Variants in LGR5 observed in about 807,000 individuals in gnomAD.
LGR5 encodes leucine rich repeat containing G protein-coupled receptor 5, also known as leucine-rich repeat-containing G protein-coupled receptor 5.
In LGR5, 54 loss-of-function variants were observed where a neutral mutation model predicts 76.7. That is an observed-to-expected ratio of 0.70 (90% CI 0.57 to 0.88). The LOEUF (loss-of-function observed/expected upper bound fraction) is 0.88. LGR5 is among the 40% of genes least tolerant of loss of function. The pLI, the probability that LGR5 is intolerant of heterozygous loss-of-function variation, is 0.00. For synonymous variants in LGR5, 406 were observed against 421.9 expected (o/e 0.96, Z 0.46); for missense variants, 1,078 against 1,073.3 (o/e 1.00, Z -0.06).
chr12:71,552,792 G>A lies in LGR5; in HGVS notation c.429-281G>A, dbSNP rs184329160. 3.3e-3 allele frequency among the ~76,000 whole-genome samples: 498 copies of A among 152,162 alleles called. 5 individuals are homozygous for A. Among genetic ancestry groups the A allele is most frequent in the African/African-American group, 0.012 (484 of 41,508 alleles). On this transcript the variant is annotated intron_variant, in intron 4 of 17. Transcript: ENST00000266674. ...ATCACACTGAAACTCCATACCTCAG[G>A]GGAGGCCACTTCCATCCATGAGAGA...
chr12:71,454,763 G>A (rs966595394), intron 1 of LGR5, among the ~76,000 whole-genome samples: 2 of 145,178 alleles, frequency 1.4e-5, no homozygotes, highest in Non-Finnish European at 3.0e-5. Flanking sequence ...ACACACACAC[G>A]TGCATAGACA....
At chr12:71,532,537 G>A (rs1345951197) in intron 3 of LGR5, among the ~76,000 whole-genome samples, 1 of 152,074 alleles carries the variant, frequency 6.6e-6, no homozygotes, top group Non-Finnish European at 1.5e-5. Flanking sequence ...TCTCAGGCAT[G>A]GTGTTAAAGG....
intron 5 of LGR5, among the ~76,000 whole-genome samples, chr12:71,556,383 AT>A (rs1235320129): frequency 1.3e-5 from 2 of 152,150 alleles, no homozygotes; most frequent in Non-Finnish European, 2.9e-5. Context: ...TCCTCATATT[AT>A]TATACACACC....
At chr12:71,507,733 T>TTCTC (rs151033755) in intron 2 of LGR5, among the ~76,000 whole-genome samples, 2 of 150,092 alleles carry the variant, frequency 1.3e-5, no homozygotes, top group Admixed American at 6.6e-5. Flanking sequence ...AACTCTCTCT[T>TTCTC]TCTCTCTCTC....
At chr12:71,470,984 A>G (rs572272966) in intron 1 of LGR5, among the ~76,000 whole-genome samples, 12 of 152,294 alleles carry the variant, frequency 7.9e-5, no homozygotes, top group African/African-American at 2.4e-4. Context: ...TAGAGCACTT[A>G]CCAAATTCAT....
At chr12:71,488,172 T>C (rs1592483410) in intron 1 of LGR5, among the ~76,000 whole-genome samples, 2 of 152,290 alleles carry the variant, frequency 1.3e-5, no homozygotes, top group African/African-American at 4.8e-5. Flanking sequence ...GTTTGAGGAG[T>C]GAAAGTCCCC....
At chr12:71,464,786 G>A (rs1872799929) in intron 1 of LGR5, among the ~76,000 whole-genome samples, 1 of 152,132 alleles carries the variant, frequency 6.6e-6, no homozygotes, top group South Asian at 2.1e-4. Context: ...AACATTCAAA[G>A]TTGGCATGAG....
rs369316479 is a variant in LGR5 at position 71,544,651 on chromosome 12, G to A, written c.429-8422G>A. 1.1e-4 allele frequency among the ~76,000 whole-genome samples: 16 copies of A among 151,642 alleles called. No homozygotes were observed. In the East Asian group the frequency reaches 3.1e-3, roughly 29 times the overall value. On this transcript the variant is annotated intron_variant, in intron 4 of 17. Transcript: ENST00000266674. ...GTACATATAGATTAAATAATAGGCCGATAGTATTATAATAGTTCTGTGACA... is the reference window on the plus strand; with the variant it reads ...GTACATATAGATTAAATAATAGGCCAATAGTATTATAATAGTTCTGTGACA...
chr12:71,533,363 T>TAAA (rs1491336848), intron 3 of LGR5, among the ~76,000 whole-genome samples: 137 of 152,036 alleles, frequency 9.0e-4, no homozygotes, highest in Middle Eastern at 3.4e-3. Flanking sequence ...AAATAAATAA[T>TAAA]TAAATAACTA....
rs139986089 is a variant in LGR5, at chr12:71,584,603, A to G, written c.2593A>G (p.Thr865Ala). Residue 865 changes from threonine to alanine, a missense_variant, in exon 18 of 18, where the codon ACT (threonine) becomes GCT (alanine). Transcript: ENST00000266674. ...TGTCGAAAAACAGTCCTGTGACTCA[A>G]CTCAAGCCTTGGTAACCTTTACCAG... is the stretch of plus-strand genomic sequence containing the variant. ...DDVEKQSCDS[T>A]QALVTFTSSS... is the part of the protein sequence containing the mutation. 2.5e-6 allele frequency: 4 copies of G among 1,614,094 alleles called. No homozygotes were observed. The highest frequency in any genetic ancestry group is 3.3e-5 in the Admixed American group (2 of 60,014).
chr12:71,527,307 G>A (rs373007632), intron 3 of LGR5, among the ~76,000 whole-genome samples: 22 of 152,242 alleles, frequency 1.4e-4, no homozygotes, highest in East Asian at 3.9e-4. Flanking sequence ...CTATGATAAC[G>A]GAATACCGCA....
rs140822480 is a variant in LGR5, at chr12:71,535,483, G to A, written c.428+297G>A. On this transcript the variant is annotated intron_variant, in intron 4 of 17. Coordinates refer to ENST00000266674, the MANE Select transcript of LGR5 (RefSeq NM_003667.4). Reference sequence around the variant, plus strand: ...TTGTAATATTCTTGCTTCTGAATTCGAATAAGAAATAGTGCTTTCCTTTTA... The same window carrying A: ...TTGTAATATTCTTGCTTCTGAATTCAAATAAGAAATAGTGCTTTCCTTTTA... Among the ~76,000 whole-genome samples, 454 of 143,616 alleles carry A rather than the reference G, an allele frequency of 3.2e-3. 2 individuals carry two copies. The highest frequency in any genetic ancestry group is 0.027 in the East Asian group (127 of 4,716). 94.2% of individuals were successfully genotyped at this position (143,616 alleles called of 152,430 possible). A position where few individuals can be genotyped will look rare whatever the true frequency, so the allele number is the denominator to read the frequency against.
At chr12:71,461,946 T>A (rs74101832) in intron 1 of LGR5, among the ~76,000 whole-genome samples, 3,416 of 152,286 alleles carry the variant, frequency 0.022, 118 homozygotes, top group African/African-American at 0.078. Flanking sequence ...TTTTGTAATC[T>A]GCCGGGTGTG....
At chr12:71,575,717 T>A (rs996829387) in intron 13 of LGR5, among the ~76,000 whole-genome samples, 5 of 118,356 alleles carry the variant, frequency 4.2e-5, no homozygotes, top group Non-Finnish European at 6.6e-5. Flanking sequence ...TCTCAAAAAA[T>A]ATATATGTGT....
chr12:71,475,981 T>C (rs1446896700), intron 1 of LGR5, among the ~76,000 whole-genome samples: 2 of 152,114 alleles, frequency 1.3e-5, no homozygotes, highest in Non-Finnish European at 2.9e-5. Flanking sequence ...GATAGAAAAA[T>C]CACTGATATG....
intron 2 of LGR5, among the ~76,000 whole-genome samples, chr12:71,519,858 T>TAAG: frequency 6.7e-6 from 1 of 150,082 alleles, no homozygotes; most frequent in East Asian, 1.9e-4. Flanking sequence ...ATATAAAAAA[T>TAAG]AATAATAATA....
chr12:71,521,207 A>T (rs1038456629), intron 2 of LGR5, among the ~76,000 whole-genome samples: 5 of 152,218 alleles, frequency 3.3e-5, no homozygotes, highest in African/African-American at 1.2e-4. Context: ...TGCATTGGGG[A>T]CAATATCTAG....
chr12:71,520,005 G>T (rs773843333), intron 2 of LGR5, among the ~76,000 whole-genome samples: 27 of 151,752 alleles, frequency 1.8e-4, no homozygotes, highest in Non-Finnish European at 3.4e-4. Context: ...TTTTCCAATG[G>T]TTATGCATAG....
chr12:71,566,639 A>G lies in LGR5; in HGVS notation c.937A>G (p.Asn313Asp), dbSNP rs2137442970. Residue 313 changes from asparagine (N) to aspartate (D), a missense_variant, in exon 10 of 18, where the codon AAT becomes GAT. Coordinates refer to ENST00000266674, the MANE Select transcript of LGR5 (RefSeq NM_003667.4). ...ATATACTCCTCTTTCTAGGACTCTG[A>G]ATGGTGCCTCACAAATAACTGAATT... ...HLPELRTLTL[N>D]GASQITEFPD... is the part of the protein sequence containing the mutation. The G allele has an allele frequency of 1.9e-6, 3 of 1,612,570 alleles. No homozygotes were observed. The East Asian group carries it at 6.7e-5, about 36-fold the overall frequency.
Sources: allele counts gnomAD v4.1 joint callset (sites outside exome capture counted in the v4.1 genomes callset), GRCh38; gene constraint gnomAD v4.1.1; transcripts MANE v1.5; gene names NCBI Gene and HGNC (gene_info 2026-07-23, HGNC 2026-07-21).